Variants in CA12 observed in about 807,000 individuals in gnomAD.
The protein encoded by CA12 is carbonate dehydratase XII.
Under a neutral mutation model 46.8 loss-of-function variants are expected in CA12, and 36 were observed. The ratio of observed to expected loss-of-function variants is 0.77; its 90% CI spans 0.59 to 1.02. The LOEUF is 1.02. Among genes scored for constraint, CA12 ranks in the 50% least tolerant of loss-of-function variants. The pLI, the probability that CA12 is intolerant of heterozygous loss-of-function variation, is 0.00. For synonymous variants in CA12, 202 were observed against 187.0 expected, an observed-to-expected ratio of 1.08 and a Z score of -0.65; for missense variants, 436 against 451.4, an observed-to-expected ratio of 0.97 and a Z score of 0.31.
intron 2 of CA12, among the ~76,000 whole-genome samples, chr15:63,363,094 G>A (rs897669888): frequency 2.0e-5 from 3 of 152,212 alleles, no homozygotes; most frequent in African/African-American, 4.8e-5. Context: ...AGACTCTTAC[G>A]CACGCTGGGT....
intron 2 of CA12, among the ~76,000 whole-genome samples, chr15:63,370,032 C>G (rs1283162357): frequency 6.6e-6 from 1 of 152,164 alleles, no homozygotes; most frequent in African/African-American, 2.4e-5. Flanking sequence ...CACATCCAGA[C>G]AGACCCTAGA....
chr15:63,343,370 C>T (rs929247917), intron 4 of CA12, among the ~76,000 whole-genome samples: 1 of 150,024 alleles, frequency 6.7e-6, no homozygotes. Flanking sequence ...CAACCTCCGC[C>T]TCCCAGGTTC....
chr15:63,333,272 G>A (rs2038958617), intron 8 of CA12, among the ~76,000 whole-genome samples: 1 of 152,260 alleles, frequency 6.6e-6, no homozygotes, highest in Non-Finnish European at 1.5e-5. Flanking sequence ...CCATCACCAA[G>A]GGTGGGTCCA....
At chr15:63,379,534 G>A (rs889160511) in intron 1 of CA12, among the ~76,000 whole-genome samples, 1 of 152,198 alleles carries the variant, frequency 6.6e-6, no homozygotes, top group Non-Finnish European at 1.5e-5. Context: ...GAGGGAGCAG[G>A]CCCTTCCTGG....
At chr15:63,352,752 A>G (rs943657756) in intron 2 of CA12, among the ~76,000 whole-genome samples, 1 of 152,226 alleles carries the variant, frequency 6.6e-6, no homozygotes, top group Non-Finnish European at 1.5e-5. Flanking sequence ...ACAAATAGGC[A>G]CAATTTCAGG....
intron 1 of CA12, among the ~76,000 whole-genome samples, chr15:63,376,098 C>A (rs1251639625): frequency 6.6e-6 from 1 of 152,176 alleles, no homozygotes; most frequent in Non-Finnish European, 1.5e-5. Context: ...CGTGAGCCAC[C>A]ATGCCCGGCC....
In CA12 at chr15:63,340,883, CA is replaced by C; in HGVS notation, c.526-101del. 1 of 956,444 alleles carries C rather than the reference CA, an allele frequency of 1.0e-6. No homozygotes were observed. Among genetic ancestry groups the C allele is most frequent in the Non-Finnish European group, 1.7e-6 (1 of 590,776 alleles). The allele number at this position is 956,444 out of a possible 1,614,324, so 59.2% of individuals were successfully genotyped here. A position where few individuals can be genotyped will look rare whatever the true frequency, so the allele number is the denominator to read the frequency against. ...AAGGGCAAAGCTGTGGGTATGTTGC[CA>C]CCACTGCCTGAAGGATCCACTTTAC... On this transcript the variant is annotated intron_variant, in intron 5 of 10. Coordinates refer to ENST00000178638, the MANE Select transcript of CA12 (RefSeq NM_001218.5). The surrounding 1 kb of genome is among the most constrained non-coding windows in gnomAD (Gnocchi z 4.4).
chr15:63,371,462 GGCCACA>G (rs939399177), intron 2 of CA12, among the ~76,000 whole-genome samples: 6 of 152,250 alleles, frequency 3.9e-5, no homozygotes, highest in Admixed American at 2.6e-4. Context: ...AAGCATGTGC[GGCCACA>G]GCCACAGCCA....
intron 2 of CA12, among the ~76,000 whole-genome samples, chr15:63,365,829 A>G (rs1270191050): frequency 6.6e-6 from 1 of 152,112 alleles, no homozygotes; most frequent in Non-Finnish European, 1.5e-5. Context: ...CCAGTTTGTC[A>G]GTGTTCTACT....
Position 63,374,173 on chromosome 15 carries a change from G to A in CA12, c.106+1485C>T. ...TGCCCTGACCCTCCACACCTCCCCT[G>A]TTTGACCCAGCCTATCTCTCTGACC... On this transcript the variant is annotated intron_variant, in intron 2 of 10. Transcript: ENST00000178638. This position sits in a 1 kb window ranked among gnomAD's most constrained non-coding sequence, Gnocchi z 4.4. Among the ~76,000 whole-genome samples the A allele has an allele frequency of 6.6e-6, 1 of 151,990 alleles. No homozygotes were observed. The highest frequency in any genetic ancestry group is 1.9e-4 in the East Asian group (1 of 5,188).
intron 2 of CA12, among the ~76,000 whole-genome samples, chr15:63,352,082 G>A (rs535047486): frequency 1.3e-5 from 2 of 152,316 alleles, no homozygotes; most frequent in African/African-American, 4.8e-5. Context: ...TTGAGACTGA[G>A]TCTTGCTCTG....
Position 63,324,170 on chromosome 15 carries a change from C to T in CA12, c.*2115G>A, listed in dbSNP as rs563602703. The T allele has an allele frequency of 3.3e-5, 5 of 152,370 alleles. No individual in the cohort carries two copies. Among genetic ancestry groups the T allele is most frequent in the African/African-American group, 9.6e-5 (4 of 41,582 alleles). The allele number at this position is 152,370 out of a possible 1,614,324, so 9.4% of individuals were successfully genotyped here. On this transcript the variant is annotated 3_prime_UTR_variant, in exon 11 of 11. Coordinates refer to ENST00000178638, the MANE Select transcript of CA12 (RefSeq NM_001218.5). ...TTGGAGCATCTTTCTGCCTCCCGGGCTTTGTCTGGTCTCAGCCTCGGGGCT... is the reference window on the plus strand; with the variant it reads ...TTGGAGCATCTTTCTGCCTCCCGGGTTTTGTCTGGTCTCAGCCTCGGGGCT...
At chr15:63,354,616 C>T (rs987426387) in intron 2 of CA12, among the ~76,000 whole-genome samples, 7 of 152,080 alleles carry the variant, frequency 4.6e-5, no homozygotes. Flanking sequence ...GTCTGATTTC[C>T]AGATGGATTT....
At chr15:63,354,037 C>T (rs1465728524) in intron 2 of CA12, among the ~76,000 whole-genome samples, 2 of 152,202 alleles carry the variant, frequency 1.3e-5, no homozygotes, top group Non-Finnish European at 2.9e-5. Context: ...CTGCTGAATT[C>T]TACCTGTTTT....
In CA12 at chr15:63,321,650, C is replaced by T. The variant is rs568521034; in HGVS notation, c.*4635G>A. The T allele has an allele frequency of 3.3e-5, 5 of 152,384 alleles. No homozygotes were observed. The highest frequency in any genetic ancestry group is 3.9e-4 in the East Asian group (2 of 5,168). The allele number at this position is 152,384 out of a possible 1,614,324, so 9.4% of individuals were successfully genotyped here. On this transcript the variant is annotated 3_prime_UTR_variant, in exon 11 of 11. Transcript: ENST00000178638. The surrounding 1 kb of genome is among the most constrained non-coding windows in gnomAD (Gnocchi z 4.5). ...GTGCCCCAGAGGCCCCGTTTCCTTC[C>T]GGAAGCGAGGCTGCAACTGCTCCAG...
rs57376675 is a variant in CA12 at position 63,363,909 on chromosome 15, C to T, written c.106+11749G>A. Among the ~76,000 whole-genome samples the T allele has an allele frequency of 8.2e-3, 1,255 of 152,122 alleles. 16 individuals carry two copies. Among genetic ancestry groups the T allele is most frequent in the African/African-American group, 0.028 (1,177 of 41,496 alleles). On this transcript the variant is annotated intron_variant, in intron 2 of 10. Transcript: ENST00000178638. Reference sequence around the variant, plus strand: ...GCTTATCAAGAGTGGGAGACTTGGCCGGATGCGGTGGCTCACGCCTGTAAT... The same window carrying T: ...GCTTATCAAGAGTGGGAGACTTGGCTGGATGCGGTGGCTCACGCCTGTAAT...
rs1379188768 is a variant in CA12 at position 63,348,500 on chromosome 15, A to C, written c.107-1791T>G. On this transcript the variant is annotated intron_variant, in intron 2 of 10. Coordinates refer to ENST00000178638, the MANE Select transcript of CA12 (RefSeq NM_001218.5). This position sits in a 1 kb window ranked among gnomAD's most constrained non-coding sequence, Gnocchi z 4.6. ...GAACCCCAGGGTCAGGAAGAGACAC[A>C]GCACAGGGTAAGACTCCCTAAGTGA... is the stretch of plus-strand genomic sequence containing the variant. Among the ~76,000 whole-genome samples the C allele has an allele frequency of 2.6e-5, 4 of 152,228 alleles. No homozygotes were observed. Among genetic ancestry groups the C allele is most frequent in the Non-Finnish European group, 5.9e-5 (4 of 68,030 alleles).
In CA12 at chr15:63,337,465, G is replaced by T. The variant is rs376659165; in HGVS notation, c.874+1354C>A. Among the ~76,000 whole-genome samples, 42 of 151,260 alleles carry T rather than the reference G, an allele frequency of 2.8e-4. 1 individual carries two copies. In the East Asian group the frequency reaches 4.4e-3, roughly 16 times the overall value. On this transcript the variant is annotated intron_variant, in intron 8 of 10. Coordinates refer to ENST00000178638, the MANE Select transcript of CA12 (RefSeq NM_001218.5). ...GGGTTTCTTTTGTTTTTGTTTTTTG[G>T]TTTTTTTTTGAGACGGAGTCTCGCC...
rs114138590 is a variant in CA12 at position 63,365,366 on chromosome 15, C to T, written c.106+10292G>A. 3.3e-3 allele frequency among the ~76,000 whole-genome samples: 497 copies of T among 152,336 alleles called. 1 individual carries two copies. Among genetic ancestry groups the T allele is most frequent in the African/African-American group, 0.011 (478 of 41,570 alleles). On this transcript the variant is annotated intron_variant, in intron 2 of 10. Coordinates refer to ENST00000178638, the MANE Select transcript of CA12 (RefSeq NM_001218.5). The stretch of plus-strand genomic sequence containing the variant: ...AGGGCACACAGTGCCTGGCATAAAA[C>T]GAGCATCCACCAATGGACTGGGAAA...
Sources: allele counts gnomAD v4.1 joint callset (sites outside exome capture counted in the v4.1 genomes callset), GRCh38; gene constraint gnomAD v4.1.1; non-coding constraint Gnocchi (gnomAD v3.1); transcripts MANE v1.5; gene names NCBI Gene and HGNC (gene_info 2026-07-23, HGNC 2026-07-21).